Variants in ZNF750 observed in about 807,000 individuals in gnomAD.
ZNF750 encodes protein ZNF750.
ZNF750 carries 10 observed loss-of-function variants against 31.6 expected under a neutral mutation model. The observed-to-expected ratio is 0.32, with a 90% confidence interval of 0.19 to 0.54. The LOEUF is 0.54. Ranked by LOEUF, ZNF750 falls within the 20% of genes least tolerant of loss-of-function variation. ZNF750 has a pLI of 0.95. For missense variants in ZNF750, 914 were observed against 934.9 expected (o/e 0.98, Z 0.29); for synonymous variants, 400 against 404.9 (o/e 0.99, Z 0.15).
chr17:82,838,614 A>G, intron 1 of ZNF750: 1 of 984,106 alleles, frequency 1.0e-6, no homozygotes, highest in Non-Finnish European at 1.2e-6. Context: ...TGTCGCAAGA[A>G]CGAGATTTGT....
At position 82,829,813 on chromosome 17, in the gene ZNF750, A is replaced by G. The variant is rs1232979772; in HGVS notation, c.*329T>C. The G allele has an allele frequency of 6.4e-6, 2 of 310,822 alleles. No homozygotes were observed. The highest frequency in any genetic ancestry group is 1.3e-4 in the East Asian group (2 of 15,736). The allele number at this position is 310,822 out of a possible 1,614,324, so 19.3% of individuals were successfully genotyped here. ...AGCTAGAGCTAATAGAAAAACAGTT[A>G]AAACAATTTGTTGTAATGGTGAGAT... is the stretch of plus-strand genomic sequence containing the variant. On this transcript the variant is annotated 3_prime_UTR_variant, in exon 3 of 3. Coordinates refer to ENST00000269394, the MANE Select transcript of ZNF750 (RefSeq NM_024702.3).
intron 2 of ZNF750, 49 bp from the exon 3 acceptor site, chr17:82,830,926 A>C: frequency 6.2e-7 from 1 of 1,613,224 alleles, no homozygotes; most frequent in Non-Finnish European, 8.5e-7. Context: ...TAGAAAAGCA[A>C]CTGCGTGAAG....
rs924769516 is a variant in ZNF750 at position 82,830,222 on chromosome 17, A to AT, written c.2091dup (p.Ser698IlefsTer6). ...TTCGCCTTCTTAGCTCCTTGCTGGGATTTTCCAGCATCCCTTAGACTTGTC... is the reference window on the plus strand; with the variant it reads ...TTCGCCTTCTTAGCTCCTTGCTGGGATTTTTCCAGCATCCCTTAGACTTGTC... On this transcript the variant is annotated frameshift_variant, in exon 3 of 3. Transcript: ENST00000269394. LOFTEE classifies it low-confidence loss of function (END_TRUNC). The AT allele has an allele frequency of 2.5e-6, 4 of 1,614,090 alleles. No individual in the cohort carries two copies. The highest frequency in any genetic ancestry group is 1.3e-5 in the African/African-American group (1 of 74,996).
At chr17:82,839,003 A>C (rs188833987) in intron 1 of ZNF750, 26 of 983,340 alleles carry the variant, frequency 2.6e-5, no homozygotes, top group Non-Finnish European at 2.8e-5. Flanking sequence ...GAGAAATTTC[A>C]TATAAGGAAA....
chr17:82,831,375 C>A lies in ZNF750; in HGVS notation c.1080G>T (p.Ser360=). The change falls in exon 2 of 3, where the codon TCG becomes TCT. Residue 360 remains serine, a synonymous_variant. Transcript: ENST00000269394. This position sits in a 1 kb window ranked among gnomAD's most constrained non-coding sequence, Gnocchi z 4.6. The part of the protein sequence containing the change: ...LEEATLVYPA[S]SPSRLNPSDP... The stretch of plus-strand genomic sequence containing the variant: ...CCGAAGGGTTTAACCTGGAAGGACT[C>A]GAGGCTGGATAGACCAGGGTGGCTT... 6.2e-7 allele frequency: 1 copy of A among 1,613,910 alleles called. No homozygotes were observed. Among genetic ancestry groups the A allele is most frequent in the Non-Finnish European group, 8.5e-7 (1 of 1,179,982 alleles).
chr17:82,832,368 T>C lies in ZNF750; in HGVS notation c.87A>G (p.Gln29=), dbSNP rs911529791. The C allele has an allele frequency of 1.2e-6, 2 of 1,614,214 alleles. No individual in the cohort carries two copies. The highest frequency in any genetic ancestry group is 8.5e-7 in the Non-Finnish European group (1 of 1,180,036). The change falls in exon 2 of 3, where the codon CAA becomes CAG. Residue 29 remains glutamine (Q), a synonymous_variant. Coordinates refer to ENST00000269394, the MANE Select transcript of ZNF750 (RefSeq NM_024702.3). The surrounding 1 kb of genome is among the most constrained non-coding windows in gnomAD (Gnocchi z 4.9). ...ACTTCTCATTGCAAGTAAAGGGACA[T>C]TGGAAACATTTATACTTGAAGGGCT... ...PGKPFKYKCF[Q]CPFTCNEKSH... is the part of the protein sequence containing the mutation.
rs909549143 is a variant in ZNF750 at position 82,829,852 on chromosome 17, CATTT to C, written c.*286_*289del. Reference sequence around the variant, plus strand: ...TAATGGTGAGATATTTATAAGGAAACATTTATAAAAGATCTTCTGTAAGACAGCT... The same window carrying C: ...TAATGGTGAGATATTTATAAGGAAACATAAAAGATCTTCTGTAAGACAGCT... On this transcript the variant is annotated 3_prime_UTR_variant, in exon 3 of 3. Coordinates refer to ENST00000269394, the MANE Select transcript of ZNF750 (RefSeq NM_024702.3). 1.4e-5 allele frequency: 6 copies of C among 437,478 alleles called. No homozygotes were observed. Among genetic ancestry groups the C allele is most frequent in the African/African-American group, 9.8e-5 (5 of 50,946 alleles). 27.1% of individuals were successfully genotyped at this position (437,478 alleles called of 1,614,324 possible).
chr17:82,836,376 C>T (rs912764348), intron 1 of ZNF750, among the ~76,000 whole-genome samples: 1 of 152,224 alleles, frequency 6.6e-6, no homozygotes, highest in Non-Finnish European at 1.5e-5. Flanking sequence ...ATGATTTCAT[C>T]ACTAGCTGGA....
At chr17:82,836,079 A>C (rs181039352) in intron 1 of ZNF750, among the ~76,000 whole-genome samples, 1 of 151,634 alleles carries the variant, frequency 6.6e-6, no homozygotes, top group East Asian at 1.9e-4. Context: ...CTGTCTTTCT[A>C]ATTTCCCCCT....
Position 82,831,988 on chromosome 17 carries a change from G to A in ZNF750, c.467C>T (p.Ala156Val), listed in dbSNP as rs1567854208. The A allele has an allele frequency of 6.2e-7, 1 of 1,613,292 alleles. No homozygotes were observed. Among genetic ancestry groups the A allele is most frequent in the Non-Finnish European group, 8.5e-7 (1 of 1,179,358 alleles). Residue 156 changes from alanine to valine, a missense_variant, in exon 2 of 3, where the codon GCA becomes GTA. Transcript: ENST00000269394. This position sits in a 1 kb window ranked among gnomAD's most constrained non-coding sequence, Gnocchi z 4.6. ...ALGAQPALEG[A>V]ARPSAFVPVG... ...TGGAACAAATGCAGAAGGCCGAGCT[G>A]CGCCTTCCAGAGCAGGCTGGGCACC...
Position 82,831,785 on chromosome 17 carries a change from A to G in ZNF750, c.670T>C (p.Ser224Pro), listed in dbSNP as rs765995448. The change falls in exon 2 of 3, where the codon TCT (serine) becomes CCT (proline). Residue 224 changes from serine (S) to proline (P), a missense_variant. Physicochemically the swap from Ser to Pro is moderately conservative, Grantham distance 74. Transcript: ENST00000269394. The surrounding 1 kb of genome is among the most constrained non-coding windows in gnomAD (Gnocchi z 4.6). Reference protein sequence around the residue: ...LPPEFPHKISSTKGLGAISPY... With the variant: ...LPPEFPHKISPTKGLGAISPY... ...GAAATGGCCCCAAGCCCCTTTGTAG[A>G]TGAGATTTTATGTGGAAACTCTGGT... is the stretch of plus-strand genomic sequence containing the variant. 2 of 1,614,040 alleles carry G rather than the reference A, an allele frequency of 1.2e-6. No individual in the cohort carries two copies. The highest frequency in any genetic ancestry group is 1.7e-6 in the Non-Finnish European group (2 of 1,180,000).
In ZNF750 at chr17:82,832,483, GT is replaced by G. The variant is rs771633436; in HGVS notation, c.-30del. The G allele has an allele frequency of 2.5e-6, 4 of 1,594,848 alleles. No homozygotes were observed. In the African/African-American group the frequency reaches 5.4e-5, roughly 21 times the overall value. On this transcript the variant is annotated 5_prime_UTR_variant, in exon 2 of 3. Coordinates refer to ENST00000269394, the MANE Select transcript of ZNF750 (RefSeq NM_024702.3). This position sits in a 1 kb window ranked among gnomAD's most constrained non-coding sequence, Gnocchi z 4.9. ...CCTCCTTATGCCTTGGACTCTGGCT[GT>G]CCAGGTGGCGTGATCACTGTCGACG...
rs377096198 is a variant in ZNF750, at chr17:82,831,329, C to G, written c.1126G>C (p.Glu376Gln). 2 of 1,614,026 alleles carry G rather than the reference C, an allele frequency of 1.2e-6. No individual in the cohort carries two copies. The highest frequency in any genetic ancestry group is 2.7e-5 in the African/African-American group (2 of 75,010). The change falls in exon 2 of 3, where the codon GAG (glutamate) becomes CAG (glutamine). Residue 376 changes from glutamate (E) to glutamine (Q), a missense_variant. Physicochemically the swap from Glu to Gln is conservative, Grantham distance 29. This residue lies in a region of ZNF750 where 880 missense variants were observed against 868.9 expected (regional missense o/e 1.01). Transcript: ENST00000269394. This position sits in a 1 kb window ranked among gnomAD's most constrained non-coding sequence, Gnocchi z 4.6. Reference protein sequence around the residue: ...NPSDPNRKHVEFESPIPEAKD... With the variant: ...NPSDPNRKHVQFESPIPEAKD... ...GCCTCAGGAATTGGACTTTCGAACT[C>G]GACGTGTTTTCTGTTGGGGTCCGAA...
At chr17:82,838,836 C>G in intron 1 of ZNF750, 1 of 985,408 alleles carries the variant, frequency 1.0e-6, no homozygotes, top group Non-Finnish European at 1.2e-6. Flanking sequence ...GACCTGAGCT[C>G]GTAAACAAAC....
At chr17:82,838,467 C>T (rs929002920) in intron 1 of ZNF750, among the ~76,000 whole-genome samples, 4 of 152,138 alleles carry the variant, frequency 2.6e-5, no homozygotes, top group African/African-American at 9.7e-5. Flanking sequence ...CTGTAATGTT[C>T]CTTTTGGTGG....
rs758289635 is a variant in ZNF750, at chr17:82,831,627, G to A, written c.828C>T (p.Tyr276=). 9.9e-6 allele frequency: 16 copies of A among 1,614,038 alleles called. No individual in the cohort carries two copies. The highest frequency in any genetic ancestry group is 1.7e-5 in the Admixed American group (1 of 60,004). The change falls in exon 2 of 3, where the codon TAC becomes TAT. Residue 276 remains tyrosine (Y), a synonymous_variant. Transcript: ENST00000269394. The surrounding 1 kb of genome is among the most constrained non-coding windows in gnomAD (Gnocchi z 4.6). The part of the protein sequence containing the change: ...PECDAPLLSV[Y]GTQDPRHFLP... ...GGAAGTGTCTCGGGTCTTGGGTTCC[G>A]TAGACTGACAGCAGGGGTGCGTCAC...
Position 82,832,728 on chromosome 17 carries a change from A to C in ZNF750, c.-182-92T>G. ...TCGCCACAGTGCCACAGGATCCCTGAAGCAGAACCCCTGAAGGGCTGAAAC... is the reference window on the plus strand; with the variant it reads ...TCGCCACAGTGCCACAGGATCCCTGCAGCAGAACCCCTGAAGGGCTGAAAC... On this transcript the variant is annotated intron_variant, in intron 1 of 2. Transcript: ENST00000269394. This position sits in a 1 kb window ranked among gnomAD's most constrained non-coding sequence, Gnocchi z 4.9. The C allele has an allele frequency of 1.9e-6, 1 of 521,740 alleles. No homozygotes were observed. Among genetic ancestry groups the C allele is most frequent in the Middle Eastern group, 5.4e-4 (1 of 1,864 alleles). 32.3% of individuals were successfully genotyped at this position (521,740 alleles called of 1,614,324 possible).
At chr17:82,838,852 C>T in intron 1 of ZNF750, 2 of 985,390 alleles carry the variant, frequency 2.0e-6, no homozygotes, top group Non-Finnish European at 1.2e-6. Context: ...CAAACGCTCA[C>T]CACTTTACAG....
chr17:82,832,647 G>C lies in ZNF750; in HGVS notation c.-182-11C>G, dbSNP rs2053619287. The C allele has an allele frequency of 3.2e-6, 2 of 632,788 alleles. No homozygotes were observed. The highest frequency in any genetic ancestry group is 5.6e-6 in the Non-Finnish European group (2 of 358,986). The allele number at this position is 632,788 out of a possible 1,614,324, so 39.2% of individuals were successfully genotyped here. On this transcript the variant is annotated splice_polypyrimidine_tract_variant and intron_variant, in intron 1 of 2. Transcript: ENST00000269394. This position sits in a 1 kb window ranked among gnomAD's most constrained non-coding sequence, Gnocchi z 4.9. ...TCTGGCGGCTGGGAGCTGTAATAAAGAGCAGTCTTGGTGTCAGGACAGCGA... is the reference window on the plus strand; with the variant it reads ...TCTGGCGGCTGGGAGCTGTAATAAACAGCAGTCTTGGTGTCAGGACAGCGA...
Sources: gnomAD v4.1 joint callset for allele counts (sites outside exome capture counted in the v4.1 genomes callset) on GRCh38, gnomAD v4.1.1 for gene constraint, gnomAD v4.1.1 regional missense constraint, Gnocchi (gnomAD v3.1) non-coding constraint, MANE v1.5 for transcripts, NCBI Gene and HGNC (gene_info 2026-07-23, HGNC 2026-07-21) for gene names.